Variants in GLCCI1 observed in about 807,000 individuals in gnomAD.
GLCCI1 encodes the protein glucocorticoid induced 1.
GLCCI1 carries 24 observed loss-of-function variants against 52.2 expected under a neutral mutation model. The observed-to-expected ratio is 0.46, with a 90% confidence interval of 0.33 to 0.65. GLCCI1 has a LOEUF of 0.65. Among genes scored for constraint, GLCCI1 ranks in the 30% least tolerant of loss-of-function variants. GLCCI1 has a pLI of 0.02. For synonymous variants in GLCCI1, 310 were observed against 276.5 expected, an observed-to-expected ratio of 1.12 and a Z score of -1.20; for missense variants, 704 against 701.5, an observed-to-expected ratio of 1.00 and a Z score of -0.04.
chr7:8,055,708 G>C, intron 4 of GLCCI1, 159 bp downstream of exon 4: 1 of 524,706 alleles, frequency 1.9e-6, no homozygotes, highest in South Asian at 2.1e-5. Flanking sequence ...GCAGCCGGGC[G>C]GCCGGCCTTG....
intron 6 of GLCCI1, among the ~76,000 whole-genome samples, chr7:8,080,975 C>T (rs1782982319): frequency 6.6e-6 from 1 of 151,614 alleles, no homozygotes; most frequent in African/African-American, 2.4e-5. Flanking sequence ...TCGCCCAGCG[C>T]TTATCCTAAT....
At position 8,087,254 on chromosome 7, in the gene GLCCI1, A is replaced by G. The variant is rs780964747; in HGVS notation, c.*716A>G. 11 of 152,660 alleles carry G rather than the reference A, an allele frequency of 7.2e-5. No homozygotes were observed. Among genetic ancestry groups the G allele is most frequent in the African/African-American group, 1.7e-4 (7 of 41,460 alleles). The allele number at this position is 152,660 out of a possible 1,614,324, so 9.5% of individuals were successfully genotyped here. ...ATGATAATCCTGGACATGGGTGAAC[A>G]TGAGGAGAACCAGCAAAATCTGTGG... On this transcript the variant is annotated 3_prime_UTR_variant, in exon 8 of 8. Transcript: ENST00000223145.
intron 3 of GLCCI1, among the ~76,000 whole-genome samples, chr7:8,049,453 A>T (rs1181005204): frequency 1.3e-5 from 2 of 152,206 alleles, no homozygotes; most frequent in African/African-American, 2.4e-5. Flanking sequence ...TTAAAAATAC[A>T]TATATTATTT....
chr7:8,048,231 C>G (rs986517637), intron 3 of GLCCI1, among the ~76,000 whole-genome samples: 1 of 152,072 alleles, frequency 6.6e-6, no homozygotes, highest in Non-Finnish European at 1.5e-5. Context: ...ACAGTTATTT[C>G]TGGGTTAGTG....
At position 8,041,681 on chromosome 7, in the gene GLCCI1, G is replaced by T. The variant is rs184689656; in HGVS notation, c.697-13752G>T. 9.9e-5 allele frequency among the ~76,000 whole-genome samples: 15 copies of T among 152,226 alleles called. No homozygotes were observed. In the East Asian group the frequency reaches 2.7e-3, roughly 27 times the overall value. ...ATGATCGTAGCTCACTGCAGCTGCAGCTGGGCTCAAGCAGTCTTCCTACCT... is the reference window on the plus strand; with the variant it reads ...ATGATCGTAGCTCACTGCAGCTGCATCTGGGCTCAAGCAGTCTTCCTACCT... On this transcript the variant is annotated intron_variant, in intron 3 of 7. Coordinates refer to ENST00000223145, the MANE Select transcript of GLCCI1 (RefSeq NM_138426.4).
intron 1 of GLCCI1, among the ~76,000 whole-genome samples, chr7:7,986,226 A>G (rs1157713813): frequency 6.6e-6 from 1 of 152,180 alleles, no homozygotes; most frequent in African/African-American, 2.4e-5. Flanking sequence ...AAAGTGACCT[A>G]GTGTGGCCAG....
At position 8,004,928 on chromosome 7, in the gene GLCCI1, A is replaced by G. The variant is rs543729615; in HGVS notation, c.609+869A>G. Among the ~76,000 whole-genome samples, 4 of 152,334 alleles carry G rather than the reference A, an allele frequency of 2.6e-5. 1 individual carries two copies. Among genetic ancestry groups the G allele is most frequent in the Admixed American group, 2.6e-4 (4 of 15,306 alleles). Reference sequence around the variant, plus strand: ...AGAGAGAGTTTTGGACATGATCTGTAAAACTCTGCTTCTCAGGTTTTGTCA... The same window carrying G: ...AGAGAGAGTTTTGGACATGATCTGTGAAACTCTGCTTCTCAGGTTTTGTCA... On this transcript the variant is annotated intron_variant, in intron 2 of 7. Coordinates refer to ENST00000223145, the MANE Select transcript of GLCCI1 (RefSeq NM_138426.4).
chr7:8,077,325 G>A (rs1475280565), intron 6 of GLCCI1, among the ~76,000 whole-genome samples: 4 of 152,236 alleles, frequency 2.6e-5, no homozygotes, highest in Non-Finnish European at 5.9e-5. Context: ...ACAGAAGGCA[G>A]ACCCAGTGAA....
At position 7,969,675 on chromosome 7, in the gene GLCCI1, C is replaced by T. The variant is rs1169821523; in HGVS notation, c.325C>T (p.Pro109Ser). 7.3e-6 allele frequency: 8 copies of T among 1,099,518 alleles called. No homozygotes were observed. Among genetic ancestry groups the T allele is most frequent in the Non-Finnish European group, 8.9e-6 (8 of 903,824 alleles). 68.1% of individuals were successfully genotyped at this position (1,099,518 alleles called of 1,614,324 possible). ...GGCCCGCGGCCCCAGCCCGTCCAGC[C>T]CGACGCCGCCGGCGGCCGCAGCCCC... ...GAARGPSPSS[P>S]TPPAAAAPAE... The change falls in exon 1 of 8, where the codon CCG becomes TCG. Residue 109 changes from proline to serine, a missense_variant. Transcript: ENST00000223145. The surrounding 1 kb of genome is among the most constrained non-coding windows in gnomAD (Gnocchi z 4.9).
chr7:8,016,821 A>G (rs1781390514), intron 2 of GLCCI1, among the ~76,000 whole-genome samples: 1 of 152,230 alleles, frequency 6.6e-6, no homozygotes, highest in Non-Finnish European at 1.5e-5. Context: ...ATTAGAATCA[A>G]TAGTATTTTA....
intron 3 of GLCCI1, among the ~76,000 whole-genome samples, chr7:8,029,574 A>G (rs1452175324): frequency 6.6e-6 from 1 of 152,168 alleles, no homozygotes; most frequent in Non-Finnish European, 1.5e-5. Flanking sequence ...AGTAATCATA[A>G]AAGAGAAAGA....
intron 2 of GLCCI1, among the ~76,000 whole-genome samples, chr7:8,017,395 T>G (rs946417895): frequency 6.6e-5 from 10 of 152,248 alleles, no homozygotes; most frequent in African/African-American, 2.4e-4. Flanking sequence ...CTTATTGATT[T>G]CAATTTTTTA....
chr7:8,078,030 C>A (rs557289668), intron 6 of GLCCI1, among the ~76,000 whole-genome samples: 17 of 151,630 alleles, frequency 1.1e-4, no homozygotes. Flanking sequence ...GTCAGGAAAT[C>A]GAGACCATCC....
rs189936068 is a variant in GLCCI1 at position 8,003,397 on chromosome 7, G to A, written c.458-511G>A. 1.7e-4 allele frequency among the ~76,000 whole-genome samples: 26 copies of A among 152,276 alleles called. No individual in the cohort carries two copies. In the South Asian group the frequency reaches 2.1e-3, roughly 12 times the overall value. ...GAAAAACACAGGCCATTCATGTGAC[G>A]CTTAGCATGGGATTATGGAGTAGTA... On this transcript the variant is annotated intron_variant, in intron 1 of 7. Transcript: ENST00000223145.
At position 8,088,874 on chromosome 7, in the gene GLCCI1, A is replaced by G. The variant is rs1220502929; in HGVS notation, c.*2336A>G. ...CCCAGAAGTTGTTGAGCTCAAATGTATCCTACATCCAGCTGTAGAAATTTG... is the reference window on the plus strand; with the variant it reads ...CCCAGAAGTTGTTGAGCTCAAATGTGTCCTACATCCAGCTGTAGAAATTTG... On this transcript the variant is annotated 3_prime_UTR_variant, in exon 8 of 8. Coordinates refer to ENST00000223145, the MANE Select transcript of GLCCI1 (RefSeq NM_138426.4). The G allele has an allele frequency of 1.3e-5, 2 of 152,684 alleles. No individual in the cohort carries two copies. The highest frequency in any genetic ancestry group is 2.9e-5 in the Non-Finnish European group (2 of 68,044). 9.5% of individuals were successfully genotyped at this position (152,684 alleles called of 1,614,324 possible).
At chr7:7,995,880 C>G (rs1780928669) in intron 1 of GLCCI1, among the ~76,000 whole-genome samples, 2 of 151,826 alleles carry the variant, frequency 1.3e-5, no homozygotes, top group South Asian at 4.2e-4. Context: ...TGCACATATA[C>G]CCTAGAACTT....
chr7:8,039,347 G>A (rs1008572942), intron 3 of GLCCI1, among the ~76,000 whole-genome samples: 14 of 152,136 alleles, frequency 9.2e-5, no homozygotes, highest in South Asian at 2.1e-4. Flanking sequence ...TTAAGTTCAC[G>A]GTAGCAAAGA....
At chr7:8,051,002 A>T (rs922443810) in intron 3 of GLCCI1, among the ~76,000 whole-genome samples, 2 of 152,220 alleles carry the variant, frequency 1.3e-5, no homozygotes, top group African/African-American at 4.8e-5. Flanking sequence ...GCAAATTTTA[A>T]TGATGCTTTT....
intron 5 of GLCCI1, among the ~76,000 whole-genome samples, chr7:8,063,568 T>G (rs2127961927): frequency 6.6e-6 from 1 of 152,126 alleles, no homozygotes; most frequent in East Asian, 1.9e-4. Context: ...TGTATATCCT[T>G]CTTTTGAAAA....
Sources: gnomAD v4.1 joint callset for allele counts (sites outside exome capture counted in the v4.1 genomes callset) on GRCh38, gnomAD v4.1.1 for gene constraint, Gnocchi (gnomAD v3.1) non-coding constraint, MANE v1.5 for transcripts, NCBI Gene and HGNC (gene_info 2026-07-23, HGNC 2026-07-21) for gene names.